The following USP35 variants were observed in gnomAD, a reference collection of about 807,000 sequenced individuals.
USP35 encodes ubiquitin specific peptidase 35, also known as ubiquitin carboxyl-terminal hydrolase 35.
A neutral mutation model predicts 83.8 loss-of-function variants in USP35; 69 were observed. That is an observed-to-expected ratio of 0.82 (90% CI 0.68 to 1.01). The LOEUF is 1.01. Ranked by LOEUF, USP35 falls within the 50% of genes least tolerant of loss-of-function variation. The pLI, the probability that USP35 is intolerant of heterozygous loss-of-function variation, is 0.00. For synonymous variants in USP35, 714 were observed against 589.5 expected (o/e 1.21, Z -3.06); for missense variants, 1,503 against 1,362.5 (o/e 1.10, Z -1.62).
rs773996845 is a variant in USP35, at chr11:78,196,681, C to T, written c.436C>T (p.Arg146Trp). 2.7e-6 allele frequency: 4 copies of T among 1,483,268 alleles called. No homozygotes were observed. Among genetic ancestry groups the T allele is most frequent in the Admixed American group, 2.3e-5 (1 of 43,700 alleles). 91.9% of individuals were successfully genotyped at this position (1,483,268 alleles called of 1,614,324 possible). Reference protein sequence around the residue: ...PGPAACAQVARLLARHPRCVP... With the variant: ...PGPAACAQVAWLLARHPRCVP... ...CCCCGCGGCCTGCGCGCAGGTGGCA[C>T]GGCTGCTGGCTCGCCACCCGCGCTG... Residue 146 changes from arginine to tryptophan, a missense_variant, in exon 2 of 11, where the codon CGG becomes TGG. Coordinates refer to ENST00000529308, the MANE Select transcript of USP35 (RefSeq NM_020798.4). This position sits in a 1 kb window ranked among gnomAD's most constrained non-coding sequence, Gnocchi z 4.8.
the USP35 span, among the ~76,000 whole-genome samples, chr11:78,229,994 G>A: frequency 2.0e-5 from 3 of 152,198 alleles, no homozygotes; most frequent in East Asian, 1.9e-4. Context: ...CAGGTAGCAA[G>A]TGTTACCTAT....
the USP35 span, chr11:78,227,095 C>T: frequency 7.5e-7 from 1 of 1,325,624 alleles, no homozygotes; most frequent in Non-Finnish European, 1.1e-6. Flanking sequence ...GAGACAATTA[C>T]TAGCTGTGTG....
At chr11:78,211,200 G>A (rs543213583) in intron 10 of USP35, among the ~76,000 whole-genome samples, 134 of 151,788 alleles carry the variant, frequency 8.8e-4, no homozygotes, top group African/African-American at 3.1e-3. Context: ...AAGAGCATGC[G>A]GTATTTGGTT....
At chr11:78,227,002 C>T in the USP35 span, 1 of 1,613,576 alleles carries the variant, frequency 6.2e-7, no homozygotes, top group Non-Finnish European at 8.5e-7. Context: ...ACAGCTGTGT[C>T]ACTCCTCATG....
At chr11:78,223,242 G>A in the USP35 span, among the ~76,000 whole-genome samples, 5 of 152,236 alleles carry the variant, frequency 3.3e-5, no homozygotes, top group African/African-American at 1.2e-4. Flanking sequence ...GCAAACCTGG[G>A]AGGTAGGAAT....
the USP35 span, among the ~76,000 whole-genome samples, chr11:78,235,313 G>A: frequency 2.0e-5 from 3 of 151,674 alleles, no homozygotes; most frequent in African/African-American, 4.8e-5. Flanking sequence ...TCACCATGCC[G>A]GGCTAATTTT....
In USP35 at chr11:78,196,292, G is replaced by T; in HGVS notation, c.47G>T (p.Ser16Ile). Residue 16 changes from serine to isoleucine, a missense_variant, in exon 2 of 11, where the codon AGC becomes ATC. By Grantham distance (142) the Ser-to-Ile change is moderately radical (BLOSUM62 -2). Transcript: ENST00000529308. The surrounding 1 kb of genome is among the most constrained non-coding windows in gnomAD (Gnocchi z 4.8). Reference protein sequence around the residue: ...EAVVTSSYPVSVKQGLVRRVL... With the variant: ...EAVVTSSYPVIVKQGLVRRVL... ...GTGGTGACGTCGTCATACCCGGTCA[G>T]CGTGAAGCAGGGGCTGGTTCGGCGC... 6.3e-7 allele frequency: 1 copy of T among 1,595,022 alleles called. No homozygotes were observed. Among genetic ancestry groups the T allele is most frequent in the South Asian group, 1.1e-5 (1 of 91,004 alleles).
Position 78,210,481 on chromosome 11 carries a change from G to T in USP35, c.2626G>T (p.Ala876Ser), listed in dbSNP as rs2512526. The T allele has an allele frequency of 6.2e-7, 1 of 1,614,234 alleles. No homozygotes were observed. Among genetic ancestry groups the T allele is most frequent in the Non-Finnish European group, 8.5e-7 (1 of 1,180,040 alleles). Residue 876 changes from alanine (A) to serine (S), a missense_variant, in exon 10 of 11, where the codon GCT becomes TCT. Ala to Ser is a moderately conservative substitution (Grantham distance 99). Transcript: ENST00000529308. ...YAREGAARPAASLGTADRPEP... is the reference protein window; with the variant it reads ...YAREGAARPASSLGTADRPEP... ...CCGTGAGGGCGCTGCCCGCCCTGCC[G>T]CTTCTCTGGGAACTGCCGATAGGCC...
rs763070135 is a variant in USP35, at chr11:78,196,419, C to T, written c.174C>T (p.Arg58=). ...LYVGGAEELP[R]RVGCQLLHVA... ...TGGGCGGCGCGGAGGAGCTGCCGCGCCGCGTGGGCTGCCAGCTGCTGCACG... is the reference window on the plus strand; with the variant it reads ...TGGGCGGCGCGGAGGAGCTGCCGCGTCGCGTGGGCTGCCAGCTGCTGCACG... Residue 58 remains arginine (R), a synonymous_variant, in exon 2 of 11, where the codon CGC becomes CGT. Coordinates refer to ENST00000529308, the MANE Select transcript of USP35 (RefSeq NM_020798.4). The surrounding 1 kb of genome is among the most constrained non-coding windows in gnomAD (Gnocchi z 4.8). 402 of 1,295,862 alleles carry T rather than the reference C, an allele frequency of 3.1e-4. 5 individuals carry two copies. Among genetic ancestry groups the T allele is most frequent in the South Asian group, 1.8e-4 (9 of 49,396 alleles). The allele number at this position is 1,295,862 out of a possible 1,614,324, so 80.3% of individuals were successfully genotyped here.
chr11:78,223,475 G>T, the USP35 span: 1 of 1,601,242 alleles, frequency 6.2e-7, no homozygotes, highest in South Asian at 1.1e-5. Context: ...CCTCTGCTGG[G>T]GCCTCGGTGC....
chr11:78,233,911 C>T, the USP35 span, among the ~76,000 whole-genome samples: 18 of 152,096 alleles, frequency 1.2e-4, no homozygotes, highest in Non-Finnish European at 1.9e-4. Flanking sequence ...ACGCCCAGCC[C>T]ATTTTCTTTT....
rs145128244 is a variant in USP35, at chr11:78,210,173, A to G, written c.2318A>G (p.Lys773Arg). ...DLVNYFLSPE[K>R]LTAENRYYCE... ...GTTAACTACTTCCTGTCCCCCGAGA[A>G]GCTGACAGCAGAAAACCGCTACTAC... is the stretch of plus-strand genomic sequence containing the variant. Residue 773 changes from lysine (K) to arginine (R), a missense_variant, in exon 10 of 11, where the codon AAG becomes AGG. Lys to Arg is a conservative substitution (Grantham distance 26, BLOSUM62 2). Coordinates refer to ENST00000529308, the MANE Select transcript of USP35 (RefSeq NM_020798.4). 1.7e-5 allele frequency: 28 copies of G among 1,613,670 alleles called. No individual in the cohort carries two copies. Among genetic ancestry groups the G allele is most frequent in the Non-Finnish European group, 2.4e-5 (28 of 1,179,886 alleles).
rs546394175 is a variant in USP35 at position 78,214,657 on chromosome 11, G to C, written c.*844G>C. 1 of 147,138 alleles carries C rather than the reference G, an allele frequency of 6.8e-6. No homozygotes were observed. Among genetic ancestry groups the C allele is most frequent in the South Asian group, 2.1e-4 (1 of 4,726 alleles). 9.1% of individuals were successfully genotyped at this position (147,138 alleles called of 1,614,324 possible). ...TGTAGCCCCCTTCTAACTTCTAACC[G>C]AAGACAAGACAGACACCCATGTTCA... On this transcript the variant is annotated 3_prime_UTR_variant, in exon 11 of 11. Coordinates refer to ENST00000529308, the MANE Select transcript of USP35 (RefSeq NM_020798.4).
At chr11:78,219,025 T>G, downstream of USP35, 1 of 472,830 alleles carries the variant, frequency 2.1e-6, no homozygotes, top group Non-Finnish European at 3.8e-6. Flanking sequence ...CTAACTAAGG[T>G]GGGTGGAGGC....
chr11:78,205,531 C>T (rs533451342), intron 6 of USP35, among the ~76,000 whole-genome samples: 1 of 152,330 alleles, frequency 6.6e-6, no homozygotes, highest in South Asian at 2.1e-4. Flanking sequence ...GCATATTCTT[C>T]AGTTACTGAC....
chr11:78,221,640 TGAAAGGC>T, the USP35 span: 2 of 1,370,136 alleles, frequency 1.5e-6, no homozygotes, highest in Non-Finnish European at 2.1e-6. Flanking sequence ...CCAGGGGACT[TGAAAGGC>T]GTCATTCCAG....
chr11:78,207,757 G>C, intron 8 of USP35, 134 bp downstream of exon 8: 1 of 929,934 alleles, frequency 1.1e-6, no homozygotes. Context: ...CCCCTGGCCG[G>C]GCTGGCATAT....
At chr11:78,222,105 T>G in the USP35 span, 3 of 1,602,928 alleles carry the variant, frequency 1.9e-6, no homozygotes, top group Non-Finnish European at 2.6e-6. Context: ...ACGCACTTAC[T>G]TGGCCCTAGA....
chr11:78,214,454 G>A lies in USP35; in HGVS notation c.*641G>A. On this transcript the variant is annotated 3_prime_UTR_variant, in exon 11 of 11. Coordinates refer to ENST00000529308, the MANE Select transcript of USP35 (RefSeq NM_020798.4). ...ACAGCCCCTCCACGCCTGCCTCAGG[G>A]CCTGAGAAGCCACCACTTGTATCCC... 6.7e-6 allele frequency: 1 copy of A among 148,746 alleles called. No homozygotes were observed. Among genetic ancestry groups the A allele is most frequent in the Non-Finnish European group, 1.5e-5 (1 of 67,270 alleles). The allele number at this position is 148,746 out of a possible 1,614,324, so 9.2% of individuals were successfully genotyped here. A position where few individuals can be genotyped will look rare whatever the true frequency, so the allele number is the denominator to read the frequency against.
Sources: allele counts gnomAD v4.1 joint callset (sites outside exome capture counted in the v4.1 genomes callset), GRCh38; gene constraint gnomAD v4.1.1; non-coding constraint Gnocchi (gnomAD v3.1); transcripts MANE v1.5; gene names NCBI Gene and HGNC (gene_info 2026-07-23, HGNC 2026-07-21).